Variants in BMPR2 observed in about 807,000 individuals in gnomAD.
BMPR2 encodes bone morphogenetic protein receptor type-2.
Under a neutral mutation model 100.8 loss-of-function variants are expected in BMPR2, and 29 were observed. The ratio of observed to expected loss-of-function variants is 0.29; its 90% CI spans 0.21 to 0.39. The LOEUF (loss-of-function observed/expected upper bound fraction) is 0.39. Ranked by LOEUF, BMPR2 falls within the 10% of genes least tolerant of loss-of-function variation. BMPR2 has a pLI of 1.00. For missense variants in BMPR2, 1,011 were observed against 1,274.5 expected (o/e 0.79, Z 3.15); for synonymous variants, 382 against 442.3 (o/e 0.86, Z 1.71).
At chr2:202,535,192 C>T (rs1301421045) in intron 9 of BMPR2, among the ~76,000 whole-genome samples, 1 of 150,290 alleles carries the variant, frequency 6.7e-6, no homozygotes, top group Non-Finnish European at 1.5e-5. Context: ...CTGACCCCCC[C>T]CACCTCCCTC....
In BMPR2 at chr2:202,562,724, A is replaced by C. The variant is rs1376792534; in HGVS notation, c.*2778A>C. The C allele has an allele frequency of 6.6e-6, 1 of 152,204 alleles. No individual in the cohort carries two copies. The highest frequency in any genetic ancestry group is 2.4e-5 in the African/African-American group (1 of 41,464). The allele number at this position is 152,204 out of a possible 1,614,324, so 9.4% of individuals were successfully genotyped here. A position where few individuals can be genotyped will look rare whatever the true frequency, so the allele number is the denominator to read the frequency against. On this transcript the variant is annotated 3_prime_UTR_variant, in exon 13 of 13. Coordinates refer to ENST00000374580, the MANE Select transcript of BMPR2 (RefSeq NM_001204.7). The stretch of plus-strand genomic sequence containing the variant: ...AAAGTCTAATATTAGTTCCCTTAAC[A>C]AAATCCTAACTGTATACCAGAATTA...
At chr2:202,557,365 G>A (rs1164142357) in intron 12 of BMPR2, among the ~76,000 whole-genome samples, 1 of 152,110 alleles carries the variant, frequency 6.6e-6, no homozygotes, top group Non-Finnish European at 1.5e-5. Flanking sequence ...TCGGAAGGCT[G>A]AGGCAGAGAA....
At chr2:202,413,586 A>T (rs1691058846) in intron 1 of BMPR2, among the ~76,000 whole-genome samples, 1 of 152,178 alleles carries the variant, frequency 6.6e-6, no homozygotes, top group Admixed American at 6.6e-5. Flanking sequence ...ACATACAAGA[A>T]TCATTTGTAT....
chr2:202,380,624 C>G (rs1244920565), intron 1 of BMPR2, among the ~76,000 whole-genome samples: 1 of 145,142 alleles, frequency 6.9e-6, no homozygotes, highest in East Asian at 2.0e-4. Context: ...GTTTGGATTT[C>G]TTTCTTTTTT....
intron 3 of BMPR2, among the ~76,000 whole-genome samples, chr2:202,507,004 C>T (rs1687531900): frequency 1.4e-5 from 2 of 145,148 alleles, no homozygotes; most frequent in Non-Finnish European, 3.0e-5. Flanking sequence ...GCCTGGGAGG[C>T]GAAGGTTGTA....
chr2:202,459,528 C>A (rs2105955272), intron 1 of BMPR2, among the ~76,000 whole-genome samples: 1 of 152,238 alleles, frequency 6.6e-6, no homozygotes, highest in East Asian at 1.9e-4. Flanking sequence ...TGTGGGGTTC[C>A]CCTCTATGTG....
intron 1 of BMPR2, among the ~76,000 whole-genome samples, chr2:202,392,752 G>A (rs1236138735): frequency 1.3e-5 from 2 of 151,882 alleles, no homozygotes; most frequent in East Asian, 3.9e-4. Context: ...CAGCATTTTG[G>A]GAGGCCGAGG....
chr2:202,465,037 A>T (rs1262526058), intron 2 of BMPR2, 58 bp downstream of exon 2: 6 of 1,585,532 alleles, frequency 3.8e-6, no homozygotes, highest in Non-Finnish European at 5.2e-6. Context: ...ATATTTATCT[A>T]AAAAGGACAT....
chr2:202,497,975 T>G (rs1347683101), intron 3 of BMPR2, among the ~76,000 whole-genome samples: 1 of 152,204 alleles, frequency 6.6e-6, no homozygotes, highest in African/African-American at 2.4e-5. Flanking sequence ...TAACAAAAGC[T>G]ATTCCTGAAG....
intron 3 of BMPR2, among the ~76,000 whole-genome samples, chr2:202,510,591 T>TTG (rs758116435): frequency 5.9e-5 from 9 of 152,154 alleles, no homozygotes; most frequent in Non-Finnish European, 1.2e-4. Flanking sequence ...TTATTTAGTT[T>TTG]TGTGTGTGTG....
rs1359450313 is a variant in BMPR2 at position 202,555,983 on chromosome 2, T to C, written c.2318T>C (p.Phe773Ser). 6.2e-7 allele frequency: 1 copy of C among 1,613,930 alleles called. No homozygotes were observed. Among genetic ancestry groups the C allele is most frequent in the African/African-American group, 1.3e-5 (1 of 74,874 alleles). ...TCAACAAAAGAGCCCCGGCTAAAAT[T>C]TGGCAGCAAGCACAAATCAAACTTG... Reference protein sequence around the residue: ...KNSTKEPRLKFGSKHKSNLKQ... With the variant: ...KNSTKEPRLKSGSKHKSNLKQ... Residue 773 changes from phenylalanine to serine, a missense_variant, in exon 12 of 13, where the codon TTT becomes TCT. Physicochemically the swap from Phe to Ser is radical, Grantham distance 155. Transcript: ENST00000374580.
intron 1 of BMPR2, among the ~76,000 whole-genome samples, chr2:202,430,273 G>A (rs929116559): frequency 6.6e-6 from 1 of 152,126 alleles, no homozygotes; most frequent in African/African-American, 2.4e-5. Context: ...ATGAATTTTG[G>A]GGGAACACAG....
At chr2:202,504,982 C>T (rs529846168) in intron 3 of BMPR2, 2 of 158,060 alleles carry the variant, frequency 1.3e-5, no homozygotes, top group East Asian at 1.9e-4. Flanking sequence ...CCTGACCCAT[C>T]ATAGTAGATT....
rs1692676964 is a variant in BMPR2, at chr2:202,482,372, CTATTT to C, written c.418+14685_418+14689del. On this transcript the variant is annotated intron_variant, in intron 3 of 12. Transcript: ENST00000374580. ...ATTGCAGAATCATGTGATAAAAATG[CTATTT>C]TTAATTTTTTTTAAGAGACAGGGTC... Among the ~76,000 whole-genome samples, 5 of 152,144 alleles carry C rather than the reference CTATTT, an allele frequency of 3.3e-5. No homozygotes were observed. The South Asian group carries it at 1.0e-3, about 32-fold the overall frequency.
At chr2:202,505,743 A>G (rs1267191839) in intron 3 of BMPR2, among the ~76,000 whole-genome samples, 1 of 152,228 alleles carries the variant, frequency 6.6e-6, no homozygotes, top group African/African-American at 2.4e-5. Flanking sequence ...ATTTGTCCAC[A>G]GTGGCTAAAG....
At chr2:202,548,841 T>C (rs1688421537) in intron 10 of BMPR2, among the ~76,000 whole-genome samples, 1 of 152,248 alleles carries the variant, frequency 6.6e-6, no homozygotes, top group South Asian at 2.1e-4. Context: ...TGAATATTTA[T>C]GTTTTCACTT....
At chr2:202,439,511 A>G (rs1691687401) in intron 1 of BMPR2, among the ~76,000 whole-genome samples, 2 of 149,340 alleles carry the variant, frequency 1.3e-5, no homozygotes, top group African/African-American at 5.1e-5. Context: ...GCCATCTTCA[A>G]ACAGAGATGA....
intron 1 of BMPR2, among the ~76,000 whole-genome samples, chr2:202,453,481 A>C (rs1024627963): frequency 1.3e-5 from 2 of 152,160 alleles, no homozygotes; most frequent in Non-Finnish European, 2.9e-5. Flanking sequence ...ATTCAACCAT[A>C]AAAAAGAATG....
intron 1 of BMPR2, among the ~76,000 whole-genome samples, chr2:202,441,142 G>A (rs189075293): frequency 6.7e-6 from 1 of 149,646 alleles, no homozygotes; most frequent in Non-Finnish European, 1.5e-5. Flanking sequence ...TGCCACACCT[G>A]GTTAATTTTT....
Sources: gnomAD v4.1 joint callset for allele counts (sites outside exome capture counted in the v4.1 genomes callset) on GRCh38, gnomAD v4.1.1 for gene constraint, MANE v1.5 for transcripts, NCBI Gene and HGNC (gene_info 2026-07-23, HGNC 2026-07-21) for gene names.